Variants in KCNMB2 observed in about 807,000 individuals in gnomAD.
KCNMB2 encodes potassium calcium-activated channel subfamily M regulatory beta subunit 2, also known as calcium-activated potassium channel subunit beta-2.
Under a neutral mutation model 24.5 loss-of-function variants are expected in KCNMB2, and 9 were observed. The ratio of observed to expected loss-of-function variants is 0.37; its 90% CI spans 0.22 to 0.64. The LOEUF is 0.64. Among genes scored for constraint, KCNMB2 ranks in the 30% least tolerant of loss-of-function variants. The probability of loss-of-function intolerance (pLI) is 0.63; values close to 1 mark genes in which losing one functional copy is unlikely to be tolerated. For missense variants in KCNMB2, 226 were observed against 284.3 expected (o/e 0.79, Z 1.47); for synonymous variants, 109 against 104.4 (o/e 1.04, Z -0.27).
intron 4 of KCNMB2, among the ~76,000 whole-genome samples, chr3:178,833,127 T>G (rs1715103524): frequency 6.6e-6 from 1 of 152,276 alleles, no homozygotes; most frequent in African/African-American, 2.4e-5. Flanking sequence ...ACTGTGATAT[T>G]CAAATCTGAA....
chr3:178,572,215 T>G (rs1233831426), intron 1 of KCNMB2, among the ~76,000 whole-genome samples: 1 of 152,120 alleles, frequency 6.6e-6, no homozygotes, highest in Admixed American at 6.6e-5. Flanking sequence ...GACAGTTTAG[T>G]ATAGAGAGAA....
intron 1 of KCNMB2, among the ~76,000 whole-genome samples, chr3:178,751,071 T>A (rs1447967217): frequency 2.0e-5 from 3 of 151,376 alleles, no homozygotes; most frequent in Non-Finnish European, 4.4e-5. Flanking sequence ...AACTAAATAG[T>A]TTGCATTTTT....
intron 1 of KCNMB2, among the ~76,000 whole-genome samples, chr3:178,750,671 C>T (rs560341910): frequency 6.8e-4 from 104 of 152,266 alleles, no homozygotes; most frequent in African/African-American, 2.3e-3. Flanking sequence ...CTTTTGCACC[C>T]GCATGGGCAC....
intron 1 of KCNMB2, among the ~76,000 whole-genome samples, chr3:178,582,976 T>C (rs924371642): frequency 3.9e-5 from 6 of 152,202 alleles, no homozygotes; most frequent in African/African-American, 1.2e-4. Context: ...CAATATTATA[T>C]GTAAAACTTC....
chr3:178,711,478 A>G lies in KCNMB2; in HGVS notation c.-67-95865A>G, dbSNP rs144760057. Among the ~76,000 whole-genome samples the G allele has an allele frequency of 2.4e-3, 359 of 152,290 alleles. 1 individual carries two copies. The highest frequency in any genetic ancestry group is 8.4e-3 in the African/African-American group (350 of 41,566). On this transcript the variant is annotated intron_variant, in intron 1 of 4. Transcript: ENST00000452583. ...TGGCCTTGCGCTGTCTCTCCCACCAAGACAGATTTCTACCTATTCTTTAGG... is the reference window on the plus strand; with the variant it reads ...TGGCCTTGCGCTGTCTCTCCCACCAGGACAGATTTCTACCTATTCTTTAGG...
chr3:178,662,957 T>C (rs1404977300), intron 1 of KCNMB2, among the ~76,000 whole-genome samples: 1 of 152,126 alleles, frequency 6.6e-6, no homozygotes, highest in Non-Finnish European at 1.5e-5. Context: ...ACACAGTAGC[T>C]TAAAACAATA....
chr3:178,767,721 C>T (rs1712180420), intron 1 of KCNMB2, among the ~76,000 whole-genome samples: 1 of 152,184 alleles, frequency 6.6e-6, no homozygotes, highest in Non-Finnish European at 1.5e-5. Context: ...TATTTGAGGT[C>T]AGATGCCACA....
chr3:178,601,375 A>G (rs1718079089), intron 1 of KCNMB2, among the ~76,000 whole-genome samples: 1 of 152,098 alleles, frequency 6.6e-6, no homozygotes, highest in African/African-American at 2.4e-5. Context: ...AATTTTAAAA[A>G]TGAAGGTGAT....
intron 1 of KCNMB2, among the ~76,000 whole-genome samples, chr3:178,712,348 A>C (rs2108350813): frequency 6.6e-6 from 1 of 152,336 alleles, no homozygotes; most frequent in East Asian, 1.9e-4. Context: ...TGTTCAGTTC[A>C]TACTGCATAC....
chr3:178,600,551 T>C (rs1718042370), intron 1 of KCNMB2, among the ~76,000 whole-genome samples: 1 of 152,334 alleles, frequency 6.6e-6, no homozygotes, highest in East Asian at 1.9e-4. Flanking sequence ...CAGCTTTATC[T>C]ATTTTATAAA....
rs572067173 is a variant in KCNMB2, at chr3:178,565,649, C to T, written c.-68+28938C>T. Among the ~76,000 whole-genome samples, 4 of 152,202 alleles carry T rather than the reference C, an allele frequency of 2.6e-5. No homozygotes were observed. In the East Asian group the frequency reaches 5.8e-4, roughly 22 times the overall value. On this transcript the variant is annotated intron_variant, in intron 1 of 4. Coordinates refer to ENST00000452583, the MANE Select transcript of KCNMB2 (RefSeq NM_181361.3). The stretch of plus-strand genomic sequence containing the variant: ...AGGTCTAACTATTCGATTGAATTAC[C>T]CCCAGAAGACATGGCTAGGTACACA...
chr3:178,614,068 T>A (rs547666241), intron 1 of KCNMB2, among the ~76,000 whole-genome samples: 38 of 150,390 alleles, frequency 2.5e-4, no homozygotes, highest in Non-Finnish European at 4.3e-4. Flanking sequence ...TTTCTTCTGC[T>A]TGATCTGTCC....
intron 1 of KCNMB2, among the ~76,000 whole-genome samples, chr3:178,762,229 G>A (rs1357565353): frequency 1.3e-5 from 2 of 152,142 alleles, no homozygotes; most frequent in Non-Finnish European, 2.9e-5. Context: ...AAAGCAGGTG[G>A]AGCTCTTAGA....
chr3:178,692,978 T>C (rs1287568495), intron 1 of KCNMB2, among the ~76,000 whole-genome samples: 1 of 152,192 alleles, frequency 6.6e-6, no homozygotes, highest in African/African-American at 2.4e-5. Context: ...CCTAGTTAGG[T>C]GTATTCCTAG....
chr3:178,802,816 A>G (rs1056213470), intron 1 of KCNMB2, among the ~76,000 whole-genome samples: 2 of 151,570 alleles, frequency 1.3e-5, no homozygotes, highest in Non-Finnish European at 2.9e-5. Flanking sequence ...AAAGTACTTC[A>G]GATTTTATCA....
chr3:178,819,103 C>T (rs1188696167), intron 2 of KCNMB2, among the ~76,000 whole-genome samples: 8 of 152,178 alleles, frequency 5.3e-5, no homozygotes, highest in Non-Finnish European at 8.8e-5. Flanking sequence ...TCTGTAGTTA[C>T]GGTTTTTAAT....
chr3:178,678,807 G>A (rs1721160730), intron 1 of KCNMB2, among the ~76,000 whole-genome samples: 1 of 152,166 alleles, frequency 6.6e-6, no homozygotes, highest in Non-Finnish European at 1.5e-5. Flanking sequence ...TATTCTGTGG[G>A]CTGCAGGCTT....
intron 1 of KCNMB2, among the ~76,000 whole-genome samples, chr3:178,672,830 T>C (rs1720949267): frequency 6.6e-6 from 1 of 152,224 alleles, no homozygotes; most frequent in South Asian, 2.1e-4. Context: ...CCTCTAGTGA[T>C]ATTGTCCATC....
At chr3:178,697,343 T>C (rs1467131052) in intron 1 of KCNMB2, among the ~76,000 whole-genome samples, 1 of 152,244 alleles carries the variant, frequency 6.6e-6, no homozygotes, top group East Asian at 1.9e-4. Context: ...AATTGAACCC[T>C]TTACCATTAT....
Sources: gnomAD v4.1 joint callset for allele counts (sites outside exome capture counted in the v4.1 genomes callset) on GRCh38, gnomAD v4.1.1 for gene constraint, MANE v1.5 for transcripts, NCBI Gene and HGNC (gene_info 2026-07-23, HGNC 2026-07-21) for gene names.